GPHN: variants seen among roughly 807,000 people sequenced by gnomAD.
GPHN encodes the protein gephyrin.
A neutral mutation model predicts 95.5 loss-of-function variants in GPHN; 17 were observed. The ratio of observed to expected loss-of-function variants is 0.18; its 90% CI spans 0.12 to 0.27. The LOEUF (loss-of-function observed/expected upper bound fraction) is 0.27. GPHN is among the 10% of genes least tolerant of loss of function. GPHN has a pLI of 1.00. For synonymous variants in GPHN, 320 were observed against 322.5 expected, an observed-to-expected ratio of 0.99 and a Z score of 0.08; for missense variants, 660 against 978.1, an observed-to-expected ratio of 0.67 and a Z score of 4.34.
intron 20 of GPHN, among the ~76,000 whole-genome samples, chr14:67,165,557 G>T (rs540004936): frequency 1.3e-5 from 2 of 152,290 alleles, no homozygotes; most frequent in Non-Finnish European, 2.9e-5. Context: ...TTCCTTACAG[G>T]AAATTGGTCG....
At chr14:67,113,265 A>T in intron 16 of GPHN, 94 bp downstream of exon 16, 1 of 1,131,784 alleles carries the variant, frequency 8.8e-7, no homozygotes, top group Admixed American at 1.7e-5. Context: ...AATGTTGTAG[A>T]TTATAGATCA....
At chr14:67,732,015 C>T in the GPHN span, among the ~76,000 whole-genome samples, 1 of 150,902 alleles carries the variant, frequency 6.6e-6, no homozygotes, top group African/African-American at 2.4e-5. Flanking sequence ...TAATCCCAGC[C>T]ACTCAGGAGG....
At chr14:67,709,650 A>C in the GPHN span, among the ~76,000 whole-genome samples, 1 of 152,132 alleles carries the variant, frequency 6.6e-6, no homozygotes, top group African/African-American at 2.4e-5. Flanking sequence ...TAATAGCTTT[A>C]ATTTCTGGCC....
At chr14:67,608,451 C>T in the GPHN span, among the ~76,000 whole-genome samples, 741 of 152,182 alleles carry the variant, frequency 4.9e-3, 36 homozygotes, top group East Asian at 0.082. Context: ...GGAACTTAAG[C>T]GTCTGTAGAT....
chr14:67,132,065 G>C (rs1348454180), intron 17 of GPHN, among the ~76,000 whole-genome samples: 1 of 152,136 alleles, frequency 6.6e-6, no homozygotes, highest in Non-Finnish European at 1.5e-5. Context: ...TTGATGTTTT[G>C]TATTTGAACT....
At chr14:67,523,740 C>T in the GPHN span, among the ~76,000 whole-genome samples, 1 of 152,192 alleles carries the variant, frequency 6.6e-6, no homozygotes, top group East Asian at 1.9e-4. Flanking sequence ...AAAGATTCTG[C>T]CTTTCTTTCT....
chr14:66,934,299 T>G (rs1596421986), intron 8 of GPHN, among the ~76,000 whole-genome samples: 1 of 152,236 alleles, frequency 6.6e-6, no homozygotes, highest in Admixed American at 6.5e-5. Context: ...TCATTGCTAC[T>G]TATTGCAAAA....
intron 8 of GPHN, among the ~76,000 whole-genome samples, chr14:66,931,220 A>T (rs1009818182): frequency 3.3e-5 from 5 of 152,102 alleles, no homozygotes; most frequent in Non-Finnish European, 7.4e-5. Context: ...GCTGCCAGAC[A>T]TATTGGACCT....
At chr14:67,105,755 G>A (rs1035762913) in intron 13 of GPHN, among the ~76,000 whole-genome samples, 1 of 151,818 alleles carries the variant, frequency 6.6e-6, no homozygotes, top group Non-Finnish European at 1.5e-5. Flanking sequence ...GCAGCAAATA[G>A]TTGGGTTCTT....
chr14:67,340,282 C>T, the GPHN span: 2 of 619,204 alleles, frequency 3.2e-6, no homozygotes, highest in South Asian at 2.8e-5. Context: ...GATTTGTTTC[C>T]ACAACTTCTG....
the GPHN span, among the ~76,000 whole-genome samples, chr14:67,193,994 G>T: frequency 1.5e-5 from 2 of 131,834 alleles, no homozygotes; most frequent in Admixed American, 7.6e-5. Context: ...CAGAAAGAAA[G>T]AAATTAAGTG....
At chr14:67,595,850 C>T in the GPHN span, among the ~76,000 whole-genome samples, 1 of 152,092 alleles carries the variant, frequency 6.6e-6, no homozygotes, top group Admixed American at 6.6e-5. Context: ...TGACAAGAGC[C>T]GGAATCAAAT....
At chr14:67,253,055 ACT>A in the GPHN span, among the ~76,000 whole-genome samples, 1 of 152,342 alleles carries the variant, frequency 6.6e-6, no homozygotes, top group Admixed American at 6.5e-5. Context: ...CAGTTACAGT[ACT>A]ATCACTGACT....
chr14:67,025,536 T>C (rs2073880685), intron 10 of GPHN, among the ~76,000 whole-genome samples: 1 of 152,178 alleles, frequency 6.6e-6, no homozygotes, highest in South Asian at 2.1e-4. Context: ...AATTGTTTAT[T>C]TAAAAGGAGC....
At chr14:67,189,223 A>C in the GPHN span, among the ~76,000 whole-genome samples, 1 of 152,140 alleles carries the variant, frequency 6.6e-6, no homozygotes, top group Admixed American at 6.6e-5. Context: ...TGAAAACTTC[A>C]CACCACCACC....
At chr14:67,484,884 C>A in the GPHN span, among the ~76,000 whole-genome samples, 2 of 152,202 alleles carry the variant, frequency 1.3e-5, no homozygotes, top group Admixed American at 1.3e-4. Context: ...CTGCAACCTG[C>A]CATTTTTACT....
chr14:67,462,225 T>C, the GPHN span, among the ~76,000 whole-genome samples: 1 of 152,172 alleles, frequency 6.6e-6, no homozygotes, highest in African/African-American at 2.4e-5. Flanking sequence ...CAGGTGATGG[T>C]CACATGTTTA....
At chr14:66,812,408 A>C (rs554020854) in intron 3 of GPHN, among the ~76,000 whole-genome samples, 37 of 152,338 alleles carry the variant, frequency 2.4e-4, no homozygotes, top group African/African-American at 8.7e-4. Flanking sequence ...ACAAAGAAAC[A>C]AGTGAACATG....
At chr14:67,482,374 A>AG in the GPHN span, among the ~76,000 whole-genome samples, 5 of 152,220 alleles carry the variant, frequency 3.3e-5, no homozygotes, top group Non-Finnish European at 7.4e-5. Context: ...ATCTTGTTTC[A>AG]GGGGGCTAAG....
Sources: allele counts gnomAD v4.1 joint callset (sites outside exome capture counted in the v4.1 genomes callset), GRCh38; gene constraint gnomAD v4.1.1; transcripts MANE v1.5; gene names NCBI Gene and HGNC (gene_info 2026-07-23, HGNC 2026-07-21).